DAB1: variants seen among roughly 807,000 people sequenced by gnomAD.
The protein encoded by DAB1 is disabled homolog 1.
A neutral mutation model predicts 64.6 loss-of-function variants in DAB1; 15 were observed. The ratio of observed to expected loss-of-function variants is 0.23; its 90% confidence interval spans 0.16 to 0.36. The LOEUF (loss-of-function observed/expected upper bound fraction) is 0.36, where lower values mean the gene tolerates loss of function less well. Ranked by LOEUF, DAB1 falls within the 10% of genes least tolerant of loss-of-function variation. DAB1 has a pLI of 1.00. For missense variants in DAB1, 596 were observed against 706.7 expected (o/e 0.84, Z 1.78); for synonymous variants, 235 against 251.9 (o/e 0.93, Z 0.64).
chr1:57,968,107 T>A (rs1191851165), intron 5 of DAB1, among the ~76,000 whole-genome samples: 2 of 152,100 alleles, frequency 1.3e-5, no homozygotes, highest in Non-Finnish European at 2.9e-5. Context: ...TGTGGATGTG[T>A]GTGTGTGTGA....
chr1:58,517,718 T>C (rs1646179287), intron 2 of DAB1, among the ~76,000 whole-genome samples: 1 of 152,150 alleles, frequency 6.6e-6, no homozygotes, highest in South Asian at 2.1e-4. Context: ...AATTAATAAA[T>C]GAAAATCATC....
intron 1 of DAB1, among the ~76,000 whole-genome samples, chr1:57,846,098 T>C (rs1388201696): frequency 1.3e-5 from 2 of 152,126 alleles, no homozygotes; most frequent in Non-Finnish European, 2.9e-5. Flanking sequence ...GAGCCGGTAG[T>C]AGTGGTCAGA....
rs1176066872 is a variant in DAB1 at position 57,574,495 on chromosome 1, A to G, written n.625+75097T>C. Among the ~76,000 whole-genome samples the G allele has an allele frequency of 5.3e-5, 8 of 152,322 alleles. No individual in the cohort carries two copies. The East Asian group carries it at 1.5e-3, about 29-fold the overall frequency. On this transcript the variant is annotated intron_variant and non_coding_transcript_variant, in intron 7 of 20. Transcript: ENST00000485760. ...CCCCATTTTTTAGAAGAGAAAAGTA[A>G]CTTCAAAGTAATTAAGCATTTCTCC...
At chr1:57,003,504 T>C (rs901854254) in intron 14 of DAB1, among the ~76,000 whole-genome samples, 1 of 151,692 alleles carries the variant, frequency 6.6e-6, no homozygotes, top group East Asian at 1.9e-4. Context: ...TTTTTTTTTT[T>C]AATCTTTTTT....
chr1:57,736,448 A>G (rs1436038147), intron 6 of DAB1, among the ~76,000 whole-genome samples: 1 of 152,250 alleles, frequency 6.6e-6, no homozygotes, highest in African/African-American at 2.4e-5. Context: ...GCAGCATATG[A>G]GAGGAAAATT....
At chr1:57,124,354 T>C (rs565011588) in intron 4 of DAB1, among the ~76,000 whole-genome samples, 3 of 152,070 alleles carry the variant, frequency 2.0e-5, no homozygotes, top group Non-Finnish European at 2.9e-5. Context: ...AAATATATCA[T>C]ACAGCACAGT....
chr1:57,935,818 C>T (rs1278052322), intron 5 of DAB1, among the ~76,000 whole-genome samples: 1 of 152,188 alleles, frequency 6.6e-6, no homozygotes, highest in Non-Finnish European at 1.5e-5. Flanking sequence ...CCTGACGGAT[C>T]AGGCTGTCTA....
intron 7 of DAB1, among the ~76,000 whole-genome samples, chr1:57,452,719 C>T (rs1686433384): frequency 6.6e-6 from 1 of 152,048 alleles, no homozygotes; most frequent in South Asian, 2.1e-4. Flanking sequence ...CATTCCATTT[C>T]TGCAGAAAAT....
At chr1:57,604,557 A>G (rs1043523459) in intron 7 of DAB1, among the ~76,000 whole-genome samples, 2 of 152,186 alleles carry the variant, frequency 1.3e-5, no homozygotes, top group Non-Finnish European at 2.9e-5. Flanking sequence ...TCTCCGATGT[A>G]CTTTTATAAA....
At chr1:57,992,859 C>G (rs572045574) in intron 5 of DAB1, among the ~76,000 whole-genome samples, 2 of 151,940 alleles carry the variant, frequency 1.3e-5, no homozygotes, top group Non-Finnish European at 2.9e-5. Flanking sequence ...GCCAGGAAAC[C>G]AAATTCCACT....
Position 57,636,300 on chromosome 1 carries a change from G to C in DAB1, n.625+13292C>G, listed in dbSNP as rs538883396. Among the ~76,000 whole-genome samples, 103 of 152,168 alleles carry C rather than the reference G, an allele frequency of 6.8e-4. 1 individual carries two copies. The highest frequency in any genetic ancestry group is 1.2e-3 in the Non-Finnish European group (82 of 68,002). ...CTGACACTTTGATCTTGAACCTCTT[G>C]CTTCCAGAATTGTGAGAAAATAAAT... On this transcript the variant is annotated intron_variant and non_coding_transcript_variant, in intron 7 of 20. Transcript: ENST00000485760.
intron 4 of DAB1, among the ~76,000 whole-genome samples, chr1:58,282,012 A>G (rs935017492): frequency 1.3e-5 from 2 of 151,798 alleles, no homozygotes; most frequent in Non-Finnish European, 2.9e-5. Context: ...TCATCTTTGT[A>G]TCTCATGCTT....
At chr1:57,221,963 A>G (rs1666913700) in intron 2 of DAB1, among the ~76,000 whole-genome samples, 1 of 151,960 alleles carries the variant, frequency 6.6e-6, no homozygotes, top group Non-Finnish European at 1.5e-5. Context: ...TATTTGCCCA[A>G]AGTAACCATT....
Position 57,460,019 on chromosome 1 carries a change from GATA to G in DAB1, n.626-168856_626-168854del, listed in dbSNP as rs1207419895. The stretch of plus-strand genomic sequence containing the variant: ...TTACAGTGGTGTTGCAAAGATGAGG[GATA>G]ATATTTGTGGGGCTACCACTAGCTC... On this transcript the variant is annotated intron_variant and non_coding_transcript_variant, in intron 7 of 20. Transcript: ENST00000485760. Among the ~76,000 whole-genome samples the G allele has an allele frequency of 4.6e-5, 7 of 152,292 alleles. No homozygotes were observed. In the East Asian group the frequency reaches 1.4e-3, roughly 29 times the overall value.
chr1:58,109,551 C>T (rs1004340860), intron 5 of DAB1, among the ~76,000 whole-genome samples: 10 of 151,980 alleles, frequency 6.6e-5, no homozygotes, highest in Admixed American at 6.6e-5. Context: ...TGCTCTAGCC[C>T]AGGTGTCATT....
intron 9 of DAB1, among the ~76,000 whole-genome samples, chr1:57,046,878 C>T (rs1036808681): frequency 2.6e-5 from 4 of 152,294 alleles, no homozygotes; most frequent in African/African-American, 9.6e-5. Context: ...AAGCTTCTTG[C>T]CTTCTGTTTG....
intron 5 of DAB1, among the ~76,000 whole-genome samples, chr1:57,994,582 C>T (rs1260005248): frequency 6.6e-6 from 1 of 152,202 alleles, no homozygotes; most frequent in Non-Finnish European, 1.5e-5. Flanking sequence ...ATCCTAGGAC[C>T]AGCAGCTTTG....
intron 1 of DAB1, among the ~76,000 whole-genome samples, chr1:57,314,557 G>A (rs576171159): frequency 5.5e-4 from 84 of 152,234 alleles, no homozygotes; most frequent in African/African-American, 1.9e-3. Flanking sequence ...TCTAATGAAT[G>A]TTCACTAAGC....
intron 7 of DAB1, among the ~76,000 whole-genome samples, chr1:57,573,323 C>G (rs1264332608): frequency 6.6e-6 from 1 of 152,136 alleles, no homozygotes; most frequent in Non-Finnish European, 1.5e-5. Context: ...ATCTCCTGGC[C>G]TCAAGCAATC....
Sources: allele counts gnomAD v4.1 joint callset (sites outside exome capture counted in the v4.1 genomes callset), GRCh38; gene constraint gnomAD v4.1.1; transcripts MANE v1.5; gene names NCBI Gene and HGNC (gene_info 2026-07-23, HGNC 2026-07-21).